The following NTRK3 variants were observed in gnomAD, a reference collection of about 807,000 sequenced individuals.
NTRK3 encodes the protein NT-3 growth factor receptor.
NTRK3 carries 24 observed loss-of-function variants against 91.7 expected under a neutral mutation model. The ratio of observed to expected loss-of-function variants is 0.26; its 90% confidence interval spans 0.19 to 0.37. The LOEUF (loss-of-function observed/expected upper bound fraction) is 0.37. NTRK3 is among the 10% of genes least tolerant of loss of function. NTRK3 has a pLI of 1.00. For synonymous variants in NTRK3, 483 were observed against 404.0 expected (o/e 1.20, Z -2.34); for missense variants, 880 against 1,068.9 (o/e 0.82, Z 2.46).
chr15:88,064,172 T>G (rs1368821243), intron 13 of NTRK3, among the ~76,000 whole-genome samples: 3 of 152,208 alleles, frequency 2.0e-5, no homozygotes, highest in African/African-American at 7.2e-5. Flanking sequence ...CACTGGAAGC[T>G]GAAAGAGACA....
chr15:88,136,007 T>A (rs1222848529), exon 9 of NTRK3: 1 of 1,614,246 alleles, frequency 6.2e-7, no homozygotes, highest in East Asian at 2.2e-5. Context: ...AGCGTCAAGT[T>A]GATGGCATGA....
At chr15:88,038,735 T>C (rs999452271) in intron 13 of NTRK3, among the ~76,000 whole-genome samples, 1 of 151,082 alleles carries the variant, frequency 6.6e-6, no homozygotes, top group South Asian at 2.1e-4. Flanking sequence ...TTTTAAAATG[T>C]AAAAAAAAAG....
chr15:87,861,126 C>A, exon 19 of NTRK3: 1 of 225,720 alleles, frequency 4.4e-6, no homozygotes, highest in Non-Finnish European at 8.8e-6. Context: ...GCCAGCTAAC[C>A]CTTCAGATTG....
At chr15:88,125,284 G>A (rs951593414) in intron 13 of NTRK3, among the ~76,000 whole-genome samples, 4 of 152,154 alleles carry the variant, frequency 2.6e-5, no homozygotes, top group Non-Finnish European at 4.4e-5. Context: ...GAGGATCACC[G>A]TCCCTGTGAA....
At chr15:88,232,186 C>A (rs558345839) in intron 3 of NTRK3, among the ~76,000 whole-genome samples, 1 of 152,128 alleles carries the variant, frequency 6.6e-6, no homozygotes. Context: ...CCTCACCTCC[C>A]TCTCTATCCA....
chr15:87,968,754 G>A (rs776006688), intron 14 of NTRK3, among the ~76,000 whole-genome samples: 7 of 152,264 alleles, frequency 4.6e-5, no homozygotes, highest in African/African-American at 7.2e-5. Context: ...GACTAAGAGC[G>A]TGTTTGTACC....
chr15:88,029,732 A>C (rs1272851570), intron 14 of NTRK3, among the ~76,000 whole-genome samples: 1 of 152,142 alleles, frequency 6.6e-6, no homozygotes, highest in Non-Finnish European at 1.5e-5. Context: ...CACACCATAA[A>C]TACTCTCCAC....
At chr15:88,169,596 G>A (rs550488394) in intron 5 of NTRK3, among the ~76,000 whole-genome samples, 2 of 152,306 alleles carry the variant, frequency 1.3e-5, no homozygotes, top group South Asian at 4.1e-4. Flanking sequence ...GGCCATACTG[G>A]GAGACAGGGT....
exon 10 of NTRK3, chr15:88,135,369 C>T: frequency 7.4e-6 from 12 of 1,614,096 alleles, no homozygotes; most frequent in Non-Finnish European, 9.3e-6. Context: ...GCAGCTCAGG[C>T]TCCTCCAGGC....
chr15:88,009,740 G>A (rs1437359527), intron 14 of NTRK3, among the ~76,000 whole-genome samples: 1 of 152,160 alleles, frequency 6.6e-6, no homozygotes, highest in Non-Finnish European at 1.5e-5. Flanking sequence ...CAGCTTGTAA[G>A]CACTGGAGCT....
chr15:88,256,130 G>A, exon 3 of NTRK3: 1 of 1,609,670 alleles, frequency 6.2e-7, no homozygotes, highest in South Asian at 1.1e-5. Context: ...AACTACACTT[G>A]GCTGGGCAAA....
In NTRK3 at chr15:88,135,083, C is replaced by A; in HGVS notation, c.1204+18G>T. On this transcript the variant is annotated intron_variant, in intron 10 of 18. Transcript: ENST00000394480. The stretch of plus-strand genomic sequence containing the variant: ...AGAAAGAATCCATACACCTCCGATC[C>A]AGCTACGCTGCCCTCACCTGGAAAG... 6.2e-7 allele frequency: 1 copy of A among 1,614,186 alleles called. No individual in the cohort carries two copies. The highest frequency in any genetic ancestry group is 1.6e-4 in the Middle Eastern group (1 of 6,062).
At chr15:87,935,311 C>T (rs2069173124) in intron 15 of NTRK3, among the ~76,000 whole-genome samples, 1 of 152,106 alleles carries the variant, frequency 6.6e-6, no homozygotes, top group Middle Eastern at 3.2e-3. Flanking sequence ...TGTGATCAGC[C>T]CAATGTTGAT....
intron 14 of NTRK3, among the ~76,000 whole-genome samples, chr15:88,015,696 C>T (rs948205059): frequency 2.6e-5 from 4 of 152,154 alleles, no homozygotes; most frequent in Non-Finnish European, 4.4e-5. Context: ...GGGATGATGC[C>T]ACTCTGTTCA....
chr15:87,865,605 A>T, exon 19 of NTRK3: 1 of 217,532 alleles, frequency 4.6e-6, no homozygotes, highest in Non-Finnish European at 9.2e-6. Context: ...TGCTCCCTGA[A>T]AAATTAGTTA....
At chr15:88,105,489 C>T (rs2050603779) in intron 13 of NTRK3, among the ~76,000 whole-genome samples, 1 of 152,204 alleles carries the variant, frequency 6.6e-6, no homozygotes, top group South Asian at 2.1e-4. Flanking sequence ...GCCACACAGC[C>T]ATGCAGTCCC....
chr15:88,066,325 G>C (rs1345275140), intron 13 of NTRK3, among the ~76,000 whole-genome samples: 2 of 152,178 alleles, frequency 1.3e-5, no homozygotes, highest in Non-Finnish European at 1.5e-5. Context: ...TGGGAAAGGA[G>C]AGTAAGATAC....
At chr15:88,242,600 T>C (rs2052457658) in intron 3 of NTRK3, among the ~76,000 whole-genome samples, 1 of 152,218 alleles carries the variant, frequency 6.6e-6, no homozygotes, top group African/African-American at 2.4e-5. Context: ...TCACGGTCTT[T>C]TATTTTGTCA....
At chr15:87,872,405 C>T (rs1228035584) in exon 19 of NTRK3, 3 of 226,414 alleles carry the variant, frequency 1.3e-5, no homozygotes, top group Non-Finnish European at 2.6e-5. Context: ...AAGACGCTGC[C>T]CTCTTTCAAA....
Sources: gnomAD v4.1 joint callset for allele counts (sites outside exome capture counted in the v4.1 genomes callset) on GRCh38, gnomAD v4.1.1 for gene constraint, MANE v1.5 for transcripts, NCBI Gene and HGNC (gene_info 2026-07-23, HGNC 2026-07-21) for gene names.